The following FRMPD4 variants were observed in gnomAD, a reference collection of about 807,000 sequenced individuals.
The protein encoded by FRMPD4 is FERM and PDZ domain-containing protein 4.
A neutral mutation model predicts 94.1 loss-of-function variants in FRMPD4; 22 were observed. The ratio of observed to expected loss-of-function variants is 0.23; its 90% CI spans 0.17 to 0.33. The LOEUF is 0.33. Among genes scored for constraint, FRMPD4 ranks in the 10% least tolerant of loss-of-function variants. The probability of loss-of-function intolerance (pLI) is 1.00; values close to 1 mark genes in which losing one functional copy is unlikely to be tolerated. For missense variants in FRMPD4, 1,111 were observed against 1,339.9 expected (o/e 0.83, Z 2.67); for synonymous variants, 631 against 548.6 (o/e 1.15, Z -2.10).
intron 1 of FRMPD4, among the ~76,000 whole-genome samples, chrX:12,427,008 A>T (rs748222378): frequency 6.3e-4 from 70 of 111,571 alleles, no homozygotes; most frequent in African/African-American, 2.1e-3. Context: ...TACACTGTAG[A>T]TAGGATGGTG....
intron 2 of FRMPD4, among the ~76,000 whole-genome samples, chrX:12,530,324 G>C (rs2058271928): frequency 1.8e-5 from 2 of 111,558 alleles, no homozygotes; most frequent in Admixed American, 9.6e-5. Context: ...ATCATGGCAG[G>C]CAGTAAATCT....
At chrX:12,467,240 A>G (rs904461558) in intron 1 of FRMPD4, among the ~76,000 whole-genome samples, 1 of 110,278 alleles carries the variant, frequency 9.1e-6, no homozygotes, top group Non-Finnish European at 1.9e-5. Flanking sequence ...TCAAGGAGCC[A>G]CAAGACAGCT....
rs771062755 is a variant in FRMPD4 at position 12,721,850 on chromosome X, A to C, written c.5281A>C (p.Asn1761His). Residue 1761 changes from asparagine (N) to histidine (H), a missense_variant, in exon 17 of 17, where the codon AAC (asparagine) becomes CAC (histidine). Transcript: ENST00000675598. ...TLTRSLKRLL[N>H]K The stretch of plus-strand genomic sequence containing the variant: ...GACACGTTCTCTCAAGAGGCTTTTA[A>C]ACAAATAAATATGGAAGTCACGTCA... The C allele has an allele frequency of 2.7e-6, 2 of 751,729 alleles. No homozygotes were observed. Among genetic ancestry groups the C allele is most frequent in the Admixed American group, 8.8e-5 (1 of 11,317 alleles). 62.0% of individuals were successfully genotyped at this position (751,729 alleles called of 1,213,427 possible).
intron 1 of FRMPD4, among the ~76,000 whole-genome samples, chrX:12,450,838 T>C: frequency 1.1e-5 from 1 of 89,717 alleles, no homozygotes; most frequent in African/African-American, 4.2e-5. Context: ...CTCTTTGGTT[T>C]GGACTCAGTG....
chrX:12,533,286 G>A (rs765032035), intron 2 of FRMPD4, among the ~76,000 whole-genome samples: 8 of 112,167 alleles, frequency 7.1e-5, no homozygotes, highest in Non-Finnish European at 1.3e-4. Context: ...TGAGGCCTCC[G>A]CAACCACGTG....
intron 1 of FRMPD4, chrX:12,374,827 A>G (rs2056213105): frequency 9.0e-6 from 1 of 111,443 alleles, no homozygotes. Flanking sequence ...AATAGAACAA[A>G]CAGCTCTATC....
rs753059878 is a variant in FRMPD4 at position 12,430,177 on chromosome X, G to A, written c.42-68503G>A. Among the ~76,000 whole-genome samples, 72 of 59,275 alleles carry A rather than the reference G, an allele frequency of 1.2e-3. 1 individual carries two copies. Among genetic ancestry groups the A allele is most frequent in the African/African-American group, 2.7e-3 (68 of 25,521 alleles). The allele number at this position is 59,275 out of a possible 115,157, so 51.5% of individuals were successfully genotyped here. Reference sequence around the variant, plus strand: ...TAGACTGAAGTGCAAAAAAGCTAAGGGTTGTTCTTATATGATCTTGTTTAC... The same window carrying A: ...TAGACTGAAGTGCAAAAAAGCTAAGAGTTGTTCTTATATGATCTTGTTTAC... On this transcript the variant is annotated intron_variant, in intron 1 of 16. Coordinates refer to ENST00000675598, the MANE Select transcript of FRMPD4 (RefSeq NM_001368397.1).
intron 1 of FRMPD4, chrX:12,341,487 C>T: frequency 5.7e-6 from 1 of 174,066 alleles, no homozygotes; most frequent in Admixed American, 5.8e-5. Flanking sequence ...GTTATTGTTG[C>T]CATTGTTATT....
chrX:12,320,623 G>A (rs911864044), intron 1 of FRMPD4, among the ~76,000 whole-genome samples: 4 of 111,875 alleles, frequency 3.6e-5, no homozygotes, highest in Non-Finnish European at 7.5e-5. Flanking sequence ...ACTCCAGGTA[G>A]GTAGCATCAT....
chrX:12,624,298 A>G (rs1602226410), intron 4 of FRMPD4, among the ~76,000 whole-genome samples: 1 of 112,573 alleles, frequency 8.9e-6, no homozygotes, highest in Admixed American at 9.4e-5. Context: ...TCGAAAGACA[A>G]AAGTATTAAA....
At position 12,171,044 on chromosome X, in the gene FRMPD4, TAAGTG is replaced by T. The variant is rs1404101455; in HGVS notation, c.41+32036_41+32040del. Reference sequence around the variant, plus strand: ...TTTTAGAAAGCATCTGAGGGTCTGTTAAGTGAAGATATTCTTTCCTGTCTCAGGGT... The same window carrying T: ...TTTTAGAAAGCATCTGAGGGTCTGTTAAGATATTCTTTCCTGTCTCAGGGT... On this transcript the variant is annotated intron_variant, in intron 1 of 16. Transcript: ENST00000675598. Among the ~76,000 whole-genome samples, 3 of 113,419 alleles carry T rather than the reference TAAGTG, an allele frequency of 2.6e-5. No individual in the cohort carries two copies. In the South Asian group the frequency reaches 1.1e-3, roughly 40 times the overall value.
At position 11,946,303 on chromosome X, in the gene FRMPD4, A is replaced by G. The variant is rs925336766; in HGVS notation, c.95+68285A>G. Among the ~76,000 whole-genome samples the G allele has an allele frequency of 2.1e-4, 23 of 111,745 alleles. 1 individual carries two copies. The highest frequency in any genetic ancestry group is 7.2e-4 in the African/African-American group (22 of 30,735). ...TAGGGCTGTTAGGTAATATATGGCT[A>G]TGGAAATCCAAAGTGCTGTGTGCCA... On this transcript the variant is annotated intron_variant, in intron 3 of 18. Transcript: ENST00000640291.
chrX:12,260,899 AT>A (rs1909800754), intron 1 of FRMPD4, among the ~76,000 whole-genome samples: 1 of 111,382 alleles, frequency 9.0e-6, no homozygotes, highest in Non-Finnish European at 1.9e-5. Context: ...AACTTCTCTT[AT>A]TTTTTAAGGT....
At position 12,676,555 on chromosome X, in the gene FRMPD4, T is replaced by TTTTG. The variant is rs768045497; in HGVS notation, c.468+1667_468+1670dup. Among the ~76,000 whole-genome samples, 10 of 112,403 alleles carry TTTTG rather than the reference T, an allele frequency of 8.9e-5. No homozygotes were observed. The South Asian group carries it at 1.5e-3, about 17-fold the overall frequency. On this transcript the variant is annotated intron_variant, in intron 5 of 16. Transcript: ENST00000675598. ...TCAGGCAGGACCTTTGTGTTTTGTT[T>TTTTG]TTTGTTTGTTTGTTTGTTTGTTTTG...
At chrX:11,865,688 C>G (rs1362194996) in intron 2 of FRMPD4, among the ~76,000 whole-genome samples, 2 of 111,988 alleles carry the variant, frequency 1.8e-5, no homozygotes, top group African/African-American at 6.5e-5. Context: ...TTGTTTGTCT[C>G]TCTCCAAAGT....
intron 4 of FRMPD4, among the ~76,000 whole-genome samples, chrX:12,644,378 A>G (rs192079611): frequency 6.3e-4 from 71 of 112,128 alleles, no homozygotes; most frequent in Non-Finnish European, 1.2e-3. Context: ...CTATGCAGAG[A>G]GCATCTTTAG....
intron 3 of FRMPD4, among the ~76,000 whole-genome samples, chrX:11,900,345 T>C (rs990531379): frequency 9.0e-6 from 1 of 111,117 alleles, no homozygotes; most frequent in Non-Finnish European, 1.9e-5. Context: ...ATAAAGGGTA[T>C]AGGTTGAGGA....
chrX:11,836,719 G>A (rs1403608435), intron 1 of FRMPD4, among the ~76,000 whole-genome samples: 4 of 111,797 alleles, frequency 3.6e-5, no homozygotes, highest in East Asian at 2.8e-4. Context: ...CAATTGTTAT[G>A]CTCTGATGAA....
intron 2 of FRMPD4, among the ~76,000 whole-genome samples, chrX:12,548,734 C>T (rs1396444595): frequency 9.0e-6 from 1 of 111,672 alleles, no homozygotes; most frequent in African/African-American, 3.3e-5. Flanking sequence ...AGTCAATAAC[C>T]GAAGGGGCCA....
Sources: gnomAD v4.1 joint callset for allele counts (sites outside exome capture counted in the v4.1 genomes callset) on GRCh38, gnomAD v4.1.1 for gene constraint, MANE v1.5 for transcripts, NCBI Gene and HGNC (gene_info 2026-07-23, HGNC 2026-07-21) for gene names.